XYLT1: variants seen among roughly 807,000 people sequenced by gnomAD.
XYLT1 encodes xylosyltransferase 1.
Under a neutral mutation model 91.3 loss-of-function variants are expected in XYLT1, and 36 were observed. The ratio of observed to expected loss-of-function variants is 0.39; its 90% CI spans 0.30 to 0.52. The LOEUF is 0.52. Ranked by LOEUF, XYLT1 falls within the 20% of genes least tolerant of loss-of-function variation. The pLI is 0.68. For missense variants in XYLT1, 1,242 were observed against 1,284.5 expected, an observed-to-expected ratio of 0.97 and a Z score of 0.51; for synonymous variants, 588 against 532.0, an observed-to-expected ratio of 1.11 and a Z score of -1.45.
rs572084856 is a variant in XYLT1 at position 17,119,524 on chromosome 16, A to C, written c.2224-1545T>G. 4.6e-5 allele frequency among the ~76,000 whole-genome samples: 7 copies of C among 152,322 alleles called. No individual in the cohort carries two copies. In the South Asian group the frequency reaches 1.5e-3, roughly 32 times the overall value. ...CTGAGATTTCCTATGTGCAGGGGAA[A>C]TAGGAGCTGATCTAGCTTCTCATTG... is the stretch of plus-strand genomic sequence containing the variant. On this transcript the variant is annotated intron_variant, in intron 10 of 11. Coordinates refer to ENST00000261381, the MANE Select transcript of XYLT1 (RefSeq NM_022166.4).
intron 2 of XYLT1, among the ~76,000 whole-genome samples, chr16:17,296,151 A>G (rs1371860446): frequency 6.6e-6 from 1 of 151,972 alleles, no homozygotes; most frequent in Non-Finnish European, 1.5e-5. Flanking sequence ...TGGCCTAGTG[A>G]CAACAAAAGT....
chr16:17,109,206 AG>A (rs1966821015), intron 11 of XYLT1, among the ~76,000 whole-genome samples, 189 bp from the exon 12 acceptor site: 1 of 152,252 alleles, frequency 6.6e-6, no homozygotes, highest in African/African-American at 2.4e-5. Flanking sequence ...GTAAGGACAG[AG>A]CCCACTTTGT....
rs1055328756 is a variant in XYLT1, at chr16:17,312,208, G to A, written c.402+45804C>T. On this transcript the variant is annotated intron_variant, in intron 2 of 11. Coordinates refer to ENST00000261381, the MANE Select transcript of XYLT1 (RefSeq NM_022166.4). The surrounding 1 kb of genome is among the most constrained non-coding windows in gnomAD (Gnocchi z 4.4). The stretch of plus-strand genomic sequence containing the variant: ...ATGAAGCAGGCGTGAAGCCAGGCAC[G>A]CCCAGGGGGTGACTCATCTGCTGTG... 3.9e-5 allele frequency among the ~76,000 whole-genome samples: 6 copies of A among 152,142 alleles called. No individual in the cohort carries two copies. In the South Asian group the frequency reaches 6.2e-4, roughly 16 times the overall value.
At position 17,206,408 on chromosome 16, in the gene XYLT1, G is replaced by A. The variant is rs537476855; in HGVS notation, c.914-5754C>T. Among the ~76,000 whole-genome samples the A allele has an allele frequency of 9.9e-5, 15 of 152,124 alleles. 1 individual carries two copies. Among genetic ancestry groups the A allele is most frequent in the Non-Finnish European group, 4.4e-5 (3 of 68,008 alleles). On this transcript the variant is annotated intron_variant, in intron 3 of 11. Transcript: ENST00000261381. ...TGCTCTCGATGGGTTTAGAAAAGGC[G>A]GTGCTGTGTGGCGACAAGCATACTG...
At chr16:17,247,992 C>T (rs927131998) in intron 3 of XYLT1, among the ~76,000 whole-genome samples, 11 of 152,168 alleles carry the variant, frequency 7.2e-5, no homozygotes, top group African/African-American at 1.2e-4. Flanking sequence ...GCCCCCCAGT[C>T]CCAGCCTGCC....
intron 3 of XYLT1, among the ~76,000 whole-genome samples, chr16:17,205,711 A>G (rs2032629940): frequency 6.6e-6 from 1 of 152,072 alleles, no homozygotes; most frequent in Non-Finnish European, 1.5e-5. Flanking sequence ...GGCTGTGTGT[A>G]CTCTAGAGCC....
chr16:17,462,917 C>T (rs535395501), intron 1 of XYLT1, among the ~76,000 whole-genome samples: 7 of 152,126 alleles, frequency 4.6e-5, no homozygotes, highest in East Asian at 1.9e-4. Flanking sequence ...GAATAGAGAA[C>T]GCAGAAATAA....
intron 1 of XYLT1, among the ~76,000 whole-genome samples, chr16:17,361,768 G>C (rs2035385344): frequency 6.6e-6 from 1 of 152,134 alleles, no homozygotes; most frequent in Admixed American, 6.5e-5. Flanking sequence ...GAATCCTTTT[G>C]CCTGAAAATA....
rs1251643007 is a variant in XYLT1 at position 17,470,535 on chromosome 16, C to T, written c.262G>A (p.Gly88Arg). Residue 88 changes from glycine (G) to arginine (R), a missense_variant, in exon 1 of 12, where the codon GGA (glycine) becomes AGA (arginine). Physicochemically the swap from Gly to Arg is moderately radical, Grantham distance 125. Around this residue, in one of 3 missense-constraint regions of XYLT1, gnomAD observed 437 missense variants for 411.5 expected, o/e 1.06. Coordinates refer to ENST00000261381, the MANE Select transcript of XYLT1 (RefSeq NM_022166.4). ...RGGGGGGGGG[G>R]GGRGPQARAR... is the part of the protein sequence containing the mutation. ...CGCGCCTGGGGCCCCCGTCCTCCTC[C>T]TCCTCCGCCGCCGCCTCCTCCTCCT... 8.2e-6 allele frequency: 10 copies of T among 1,225,608 alleles called. No homozygotes were observed. The Admixed American group carries it at 1.3e-4, about 16-fold the overall frequency. The allele number at this position is 1,225,608 out of a possible 1,614,324, so 75.9% of individuals were successfully genotyped here.
chr16:17,314,925 G>C (rs376610091), intron 2 of XYLT1, among the ~76,000 whole-genome samples: 1 of 152,090 alleles, frequency 6.6e-6, no homozygotes, highest in East Asian at 1.9e-4. Context: ...TGATAAAGTA[G>C]AGAGGTGAGA....
chr16:17,320,565 C>T (rs886568147), intron 2 of XYLT1, among the ~76,000 whole-genome samples: 5 of 151,096 alleles, frequency 3.3e-5, no homozygotes, highest in African/African-American at 9.7e-5. Flanking sequence ...CTGCAACCTC[C>T]GCCTCCTGGG....
Position 17,134,342 on chromosome 16 carries a change from A to G in XYLT1, c.2027+131T>C, listed in dbSNP as rs1458060732. The G allele has an allele frequency of 5.4e-6, 7 of 1,289,324 alleles. No homozygotes were observed. In the East Asian group the frequency reaches 1.6e-4, roughly 30 times the overall value. 79.9% of individuals were successfully genotyped at this position (1,289,324 alleles called of 1,614,324 possible). A position where few individuals can be genotyped will look rare whatever the true frequency, so the allele number is the denominator to read the frequency against. Reference sequence around the variant, plus strand: ...GGGTGGCGTTAGATGAGTTTTGGGCAAAGGAAGAGAGAAAGCATAGGGTGG... The same window carrying G: ...GGGTGGCGTTAGATGAGTTTTGGGCGAAGGAAGAGAGAAAGCATAGGGTGG... On this transcript the variant is annotated intron_variant, in intron 9 of 11. Coordinates refer to ENST00000261381, the MANE Select transcript of XYLT1 (RefSeq NM_022166.4).
intron 2 of XYLT1, among the ~76,000 whole-genome samples, chr16:17,333,497 T>C (rs182139758): frequency 6.6e-6 from 1 of 152,214 alleles, no homozygotes; most frequent in African/African-American, 2.4e-5. Context: ...GAAGTGATTG[T>C]TTAGAATGAT....
At chr16:17,318,765 G>A (rs2034673031) in intron 2 of XYLT1, among the ~76,000 whole-genome samples, 3 of 149,698 alleles carry the variant, frequency 2.0e-5, no homozygotes. Context: ...AACTCCATGT[G>A]GTTCCATCCT....
intron 1 of XYLT1, among the ~76,000 whole-genome samples, chr16:17,402,036 C>T (rs889045117): frequency 6.6e-6 from 1 of 151,986 alleles, no homozygotes. Flanking sequence ...TGGTGGCTCA[C>T]GCCTGTAATC....
At chr16:17,275,202 C>G (rs1229362570) in intron 2 of XYLT1, among the ~76,000 whole-genome samples, 1 of 151,992 alleles carries the variant, frequency 6.6e-6, no homozygotes, top group Non-Finnish European at 1.5e-5. Context: ...CATCAACAAA[C>G]AAAAAACCCC....
intron 1 of XYLT1, among the ~76,000 whole-genome samples, chr16:17,467,414 G>A (rs780272615): frequency 7.9e-5 from 12 of 152,118 alleles, no homozygotes; most frequent in Non-Finnish European, 1.8e-4. Context: ...GAGTCCATCT[G>A]TTTCTTAAAT....
chr16:17,145,249 A>T (rs2031100764), intron 6 of XYLT1, among the ~76,000 whole-genome samples: 1 of 152,142 alleles, frequency 6.6e-6, no homozygotes, highest in South Asian at 2.1e-4. Flanking sequence ...TTTTTCTGGG[A>T]ACCACATTTT....
At chr16:17,453,580 G>C (rs1314317342) in intron 1 of XYLT1, among the ~76,000 whole-genome samples, 1 of 152,134 alleles carries the variant, frequency 6.6e-6, no homozygotes, top group Non-Finnish European at 1.5e-5. Context: ...AGCACCTCCG[G>C]GGAAGTCTCC....
Sources: gnomAD v4.1 joint callset for allele counts (sites outside exome capture counted in the v4.1 genomes callset) on GRCh38, gnomAD v4.1.1 for gene constraint, gnomAD v4.1.1 regional missense constraint, Gnocchi (gnomAD v3.1) non-coding constraint, MANE v1.5 for transcripts, NCBI Gene and HGNC (gene_info 2026-07-23, HGNC 2026-07-21) for gene names.